Variants in TEAD1 observed in about 807,000 individuals in gnomAD.
The protein encoded by TEAD1 is transcriptional enhancer factor TEF-1.
A neutral mutation model predicts 54.9 loss-of-function variants in TEAD1; 9 were observed. That is an observed-to-expected ratio of 0.16 (90% CI 0.10 to 0.29). The LOEUF (loss-of-function observed/expected upper bound fraction) is 0.29, where lower values mean the gene tolerates loss of function less well. Among genes scored for constraint, TEAD1 ranks in the 10% least tolerant of loss-of-function variants. TEAD1 has a pLI of 1.00. For synonymous variants in TEAD1, 200 were observed against 187.8 expected, an observed-to-expected ratio of 1.07 and a Z score of -0.53; for missense variants, 387 against 535.9, an observed-to-expected ratio of 0.72 and a Z score of 2.74.
intron 9 of TEAD1, among the ~76,000 whole-genome samples, chr11:12,887,815 C>G (rs903410639): frequency 3.3e-5 from 5 of 152,154 alleles, no homozygotes; most frequent in African/African-American, 1.2e-4. Context: ...AATATAACAT[C>G]CAGCATTAAC....
intron 2 of TEAD1, among the ~76,000 whole-genome samples, chr11:12,729,070 G>A (rs1261776571): frequency 1.3e-5 from 2 of 152,214 alleles, no homozygotes; most frequent in African/African-American, 4.8e-5. Flanking sequence ...TAATATTAGA[G>A]GAGCCTTGCC....
chr11:12,762,212 T>C (rs915881380), intron 2 of TEAD1, among the ~76,000 whole-genome samples: 3 of 152,108 alleles, frequency 2.0e-5, no homozygotes, highest in African/African-American at 7.2e-5. Flanking sequence ...TTGGTTTGTT[T>C]TTGTCTTTTT....
At chr11:12,814,371 A>AGT (rs769927245) in intron 3 of TEAD1, among the ~76,000 whole-genome samples, 50 of 152,152 alleles carry the variant, frequency 3.3e-4, no homozygotes, top group Non-Finnish European at 5.6e-4. Flanking sequence ...TAGGAACCAG[A>AGT]GTGTGTGAGG....
At chr11:12,685,410 G>T (rs748945053) in intron 2 of TEAD1, among the ~76,000 whole-genome samples, 3 of 152,144 alleles carry the variant, frequency 2.0e-5, no homozygotes, top group Admixed American at 1.3e-4. Context: ...GAACTTTATG[G>T]TATGTGAATC....
chr11:12,850,353 T>G (rs527331737), intron 3 of TEAD1, among the ~76,000 whole-genome samples: 2 of 152,154 alleles, frequency 1.3e-5, no homozygotes, highest in Non-Finnish European at 2.9e-5. Flanking sequence ...GGAGAACAGC[T>G]TGAACCCGGG....
At chr11:12,788,751 T>TA (rs1273694143) in intron 3 of TEAD1, among the ~76,000 whole-genome samples, 1 of 152,226 alleles carries the variant, frequency 6.6e-6, no homozygotes, top group East Asian at 1.9e-4. Context: ...GTGATCCCTG[T>TA]AAAAAATACT....
intron 3 of TEAD1, among the ~76,000 whole-genome samples, chr11:12,861,206 G>A (rs758457937): frequency 5.3e-5 from 8 of 152,172 alleles, no homozygotes; most frequent in Non-Finnish European, 7.3e-5. Context: ...TTTATTTCAC[G>A]TGGTATTTTG....
At chr11:12,756,203 G>C (rs182426599) in intron 2 of TEAD1, among the ~76,000 whole-genome samples, 3 of 152,154 alleles carry the variant, frequency 2.0e-5, no homozygotes, top group Non-Finnish European at 4.4e-5. Context: ...TTTTGAAAAC[G>C]AGAAGGAGTA....
At chr11:12,783,098 TTGTGTGTGTG>T (rs34564715) in intron 3 of TEAD1, among the ~76,000 whole-genome samples, 35 of 139,362 alleles carry the variant, frequency 2.5e-4, no homozygotes, top group Admixed American at 1.6e-3. Flanking sequence ...AGGTAAGGGT[TTGTGTGTGTG>T]TGTGTGTGTG....
chr11:12,753,598 G>A (rs1383626422), intron 2 of TEAD1, among the ~76,000 whole-genome samples: 2 of 151,498 alleles, frequency 1.3e-5, no homozygotes, highest in Non-Finnish European at 2.9e-5. Flanking sequence ...TTTTTCTATT[G>A]GGTTGTCTGA....
intron 2 of TEAD1, among the ~76,000 whole-genome samples, chr11:12,686,058 G>C (rs1943326419): frequency 6.6e-6 from 1 of 152,158 alleles, no homozygotes; most frequent in Non-Finnish European, 1.5e-5. Flanking sequence ...CGACAGGGCT[G>C]CCCTTTATGG....
intron 3 of TEAD1, among the ~76,000 whole-genome samples, chr11:12,778,307 G>GT (rs1386066627): frequency 6.6e-6 from 1 of 152,136 alleles, no homozygotes; most frequent in Non-Finnish European, 1.5e-5. Flanking sequence ...GTGGAAGAGA[G>GT]TTTTGGTTCC....
At chr11:12,834,503 G>T (rs1483589531) in intron 3 of TEAD1, among the ~76,000 whole-genome samples, 3 of 152,222 alleles carry the variant, frequency 2.0e-5, no homozygotes, top group Admixed American at 6.5e-5. Context: ...GACAGCCTCT[G>T]TTGACTTTTA....
chr11:12,908,780 T>C (rs1046003611), intron 10 of TEAD1, among the ~76,000 whole-genome samples: 1 of 152,196 alleles, frequency 6.6e-6, no homozygotes, highest in Non-Finnish European at 1.5e-5. Context: ...ATGTGATACA[T>C]ATTTATGTAG....
intron 5 of TEAD1, among the ~76,000 whole-genome samples, chr11:12,872,711 A>T (rs1288719870): frequency 6.6e-6 from 1 of 152,216 alleles, no homozygotes; most frequent in African/African-American, 2.4e-5. Flanking sequence ...CTTCATAGCG[A>T]AATCCCATTG....
intron 9 of TEAD1, among the ~76,000 whole-genome samples, chr11:12,889,914 G>T (rs1329118588): frequency 6.6e-6 from 1 of 152,020 alleles, no homozygotes; most frequent in East Asian, 1.9e-4. Context: ...TAGAGATGGG[G>T]TTTTACTATG....
intron 10 of TEAD1, among the ~76,000 whole-genome samples, chr11:12,908,438 A>G (rs544248326): frequency 2.6e-5 from 4 of 152,322 alleles, no homozygotes; most frequent in African/African-American, 9.6e-5. Context: ...CCACCCTAGT[A>G]TCTTTCCATG....
At chr11:12,790,655 T>C (rs1260946352) in intron 3 of TEAD1, among the ~76,000 whole-genome samples, 1 of 152,260 alleles carries the variant, frequency 6.6e-6, no homozygotes, top group African/African-American at 2.4e-5. Flanking sequence ...TGTATCTTTA[T>C]TTACTGATTC....
At chr11:12,716,840 C>T (rs1944073790) in intron 2 of TEAD1, among the ~76,000 whole-genome samples, 1 of 152,240 alleles carries the variant, frequency 6.6e-6, no homozygotes, top group Admixed American at 6.5e-5. Flanking sequence ...CCATGGTTTG[C>T]CAGCCCTCTT....
Sources: gnomAD v4.1 joint callset for allele counts (sites outside exome capture counted in the v4.1 genomes callset) on GRCh38, gnomAD v4.1.1 for gene constraint, MANE v1.5 for transcripts, NCBI Gene and HGNC (gene_info 2026-07-23, HGNC 2026-07-21) for gene names.